PDZD2: variants seen among roughly 807,000 people sequenced by gnomAD.
PDZD2 encodes the protein PDZ domain-containing protein 2.
A neutral mutation model predicts 220.7 loss-of-function variants in PDZD2; 90 were observed. The observed-to-expected ratio is 0.41, with a 90% confidence interval of 0.34 to 0.49. PDZD2 has a LOEUF of 0.49. Among genes scored for constraint, PDZD2 ranks in the 20% least tolerant of loss-of-function variants. PDZD2 has a pLI of 0.28. For missense variants in PDZD2, 3,174 were observed against 3,608.5 expected (o/e 0.88, Z 3.08); for synonymous variants, 1,375 against 1,450.5 (o/e 0.95, Z 1.18).
chr5:31,908,888 T>C (rs1742930404), intron 2 of PDZD2: 1 of 406,188 alleles, frequency 2.5e-6, no homozygotes, highest in Non-Finnish European at 4.6e-6. Flanking sequence ...CTACCAAAAA[T>C]ACAGAAAATT....
At chr5:31,750,603 G>A (rs938640927) in intron 1 of PDZD2, among the ~76,000 whole-genome samples, 1 of 152,154 alleles carries the variant, frequency 6.6e-6, no homozygotes, top group Non-Finnish European at 1.5e-5. Context: ...GCTCCAGGGA[G>A]GATATTTGGG....
chr5:31,938,126 G>T lies in PDZD2; in HGVS notation c.477-45029G>T, dbSNP rs1477440429. Among the ~76,000 whole-genome samples, 2 of 152,170 alleles carry T rather than the reference G, an allele frequency of 1.3e-5. 1 individual carries two copies. The highest frequency in any genetic ancestry group is 2.9e-5 in the Non-Finnish European group (2 of 68,032). ...AGAGTTTCACTCTGTTGGCCAGATTGGTGTCAAACTTTTGACCTCAAGTGA... is the reference window on the plus strand; with the variant it reads ...AGAGTTTCACTCTGTTGGCCAGATTTGTGTCAAACTTTTGACCTCAAGTGA... On this transcript the variant is annotated intron_variant, in intron 2 of 24. Transcript: ENST00000438447.
rs1745236084 is a variant in PDZD2 at position 32,110,108 on chromosome 5, C to CAAAG, written c.*1975_*1978dup. The CAAAG allele has an allele frequency of 2.0e-5, 3 of 152,588 alleles. No homozygotes were observed. The highest frequency in any genetic ancestry group is 4.4e-5 in the Non-Finnish European group (3 of 68,038). 9.5% of individuals were successfully genotyped at this position (152,588 alleles called of 1,614,324 possible). The stretch of plus-strand genomic sequence containing the variant: ...GTGGTTTCTGCTTTCTTGCCTAAAT[C>CAAAG]AAAGACTATTTCAAGTCAACAACAC... On this transcript the variant is annotated 3_prime_UTR_variant, in exon 25 of 25. Transcript: ENST00000438447.
chr5:31,794,440 G>A (rs1310821161), intron 1 of PDZD2, among the ~76,000 whole-genome samples: 2 of 123,808 alleles, frequency 1.6e-5, no homozygotes, highest in East Asian at 4.6e-4. Context: ...TTGCTCTGTC[G>A]CCCAGGCTGG....
At chr5:31,698,865 G>A (rs1747491545) in intron 1 of PDZD2, among the ~76,000 whole-genome samples, 1 of 152,192 alleles carries the variant, frequency 6.6e-6, no homozygotes, top group African/African-American at 2.4e-5. Flanking sequence ...GAGCCACCTG[G>A]TTTGTGACCC....
rs139661995 is a variant in PDZD2, at chr5:31,639,900, G to A, written c.-361+463G>A. ...GGGCTTGTTTCATCTCTCAACCCCC[G>A]CCTCTTTGCCCAGATGAGACGTTAG... On this transcript the variant is annotated intron_variant, in intron 1 of 24. Transcript: ENST00000438447. The surrounding 1 kb of genome is among the most constrained non-coding windows in gnomAD (Gnocchi z 4.1). Among the ~76,000 whole-genome samples, 4 of 152,080 alleles carry A rather than the reference G, an allele frequency of 2.6e-5. No individual in the cohort carries two copies. The East Asian group carries it at 5.8e-4, about 22-fold the overall frequency.
rs1290568734 is a variant in PDZD2 at position 32,108,454 on chromosome 5, T to A, written c.*319T>A. ...TCTTTATTTGAAACAAACAAACATT[T>A]AGCTAGACCTTTGCTTCCTTCTTGC... On this transcript the variant is annotated 3_prime_UTR_variant, in exon 25 of 25. Coordinates refer to ENST00000438447, the MANE Select transcript of PDZD2 (RefSeq NM_178140.4). 5.7e-6 allele frequency: 1 copy of A among 175,270 alleles called. No individual in the cohort carries two copies. Among genetic ancestry groups the A allele is most frequent in the Admixed American group, 6.2e-5 (1 of 16,056 alleles). 10.9% of individuals were successfully genotyped at this position (175,270 alleles called of 1,614,324 possible).
intron 2 of PDZD2, among the ~76,000 whole-genome samples, chr5:31,842,695 A>G (rs62360837): frequency 0.085 from 12,983 of 152,260 alleles, 699 homozygotes; most frequent in Middle Eastern, 0.16. Context: ...AGTGATAGCC[A>G]GATAAAAGTG....
intron 18 of PDZD2, 113 bp downstream of exon 18, chr5:32,074,756 G>A (rs965583276): frequency 1.5e-6 from 1 of 683,730 alleles, no homozygotes; most frequent in Non-Finnish European, 2.5e-6. Flanking sequence ...ATGATGGCTG[G>A]AGAATTATCT....
At chr5:31,705,860 G>A (rs1427740294) in intron 1 of PDZD2, among the ~76,000 whole-genome samples, 2 of 152,200 alleles carry the variant, frequency 1.3e-5, no homozygotes, top group African/African-American at 2.4e-5. Flanking sequence ...GACCAGCCTG[G>A]CCAACATGGC....
intron 2 of PDZD2, among the ~76,000 whole-genome samples, chr5:31,859,190 A>G (rs1580915438): frequency 6.6e-6 from 1 of 152,150 alleles, no homozygotes; most frequent in African/African-American, 2.4e-5. Context: ...CTATCCTTAA[A>G]AAAACATAGC....
intron 5 of PDZD2, among the ~76,000 whole-genome samples, chr5:32,002,891 A>AC (rs1752339392): frequency 2.2e-5 from 1 of 45,430 alleles, no homozygotes; most frequent in Non-Finnish European, 4.1e-5. Flanking sequence ...CACCACACAC[A>AC]CCAACACACA....
intron 2 of PDZD2, among the ~76,000 whole-genome samples, chr5:31,916,754 C>A (rs1743721807): frequency 6.6e-6 from 1 of 152,166 alleles, no homozygotes; most frequent in African/African-American, 2.4e-5. Context: ...TGTTCCTGGG[C>A]AAGGGCATTT....
At chr5:31,967,907 G>A (rs532088732) in intron 2 of PDZD2, among the ~76,000 whole-genome samples, 1 of 152,332 alleles carries the variant, frequency 6.6e-6, no homozygotes, top group South Asian at 2.1e-4. Context: ...AGAAAGTAGA[G>A]AGATTTGGAC....
At chr5:31,753,646 T>C (rs888203115) in intron 1 of PDZD2, among the ~76,000 whole-genome samples, 8 of 152,152 alleles carry the variant, frequency 5.3e-5, no homozygotes, top group African/African-American at 1.9e-4. Flanking sequence ...CAGCGAAGTT[T>C]GGCTCCAGAT....
rs181802354 is a variant in PDZD2 at position 32,087,980 on chromosome 5, A to T, written c.4532A>T (p.Lys1511Ile). The T allele has an allele frequency of 9.3e-6, 15 of 1,614,210 alleles. No homozygotes were observed. In the African/African-American group the frequency reaches 1.3e-4, roughly 14 times the overall value. ...PSVLDSINPD[K>I]HFTVNKNFLS... ...GTTTTAGATTCAATTAATCCCGACAAACATTTTACTGTGAACAAAAACTTT... is the reference window on the plus strand; with the variant it reads ...GTTTTAGATTCAATTAATCCCGACATACATTTTACTGTGAACAAAAACTTT... Residue 1511 changes from lysine to isoleucine, a missense_variant, in exon 20 of 25, where the codon AAA becomes ATA. Coordinates refer to ENST00000438447, the MANE Select transcript of PDZD2 (RefSeq NM_178140.4). The surrounding 1 kb of genome is among the most constrained non-coding windows in gnomAD (Gnocchi z 4.0).
At chr5:31,764,206 C>A (rs187366101) in intron 1 of PDZD2, among the ~76,000 whole-genome samples, 2 of 152,220 alleles carry the variant, frequency 1.3e-5, no homozygotes, top group Non-Finnish European at 2.9e-5. Flanking sequence ...ATGATTCTGA[C>A]CCCTCAAAGT....
Position 31,745,337 on chromosome 5 carries a change from G to A in PDZD2, c.-360-53552G>A, listed in dbSNP as rs114481972. Among the ~76,000 whole-genome samples the A allele has an allele frequency of 8.6e-3, 1,313 of 152,290 alleles. 17 individuals carry two copies. The highest frequency in any genetic ancestry group is 0.03 in the African/African-American group (1,229 of 41,554). ...TCTTCGTATGTGTGGGTACGTGTGTGTAGAGAGTTTTAGTTCCGTTTATTT... is the reference window on the plus strand; with the variant it reads ...TCTTCGTATGTGTGGGTACGTGTGTATAGAGAGTTTTAGTTCCGTTTATTT... On this transcript the variant is annotated intron_variant, in intron 1 of 24. Transcript: ENST00000438447.
At chr5:31,882,016 G>A (rs1253688484) in intron 2 of PDZD2, among the ~76,000 whole-genome samples, 8 of 152,146 alleles carry the variant, frequency 5.3e-5, no homozygotes, top group African/African-American at 1.9e-4. Context: ...ACTGTGCCCA[G>A]CCCCATTTCC....
Sources: gnomAD v4.1 joint callset for allele counts (sites outside exome capture counted in the v4.1 genomes callset) on GRCh38, gnomAD v4.1.1 for gene constraint, Gnocchi (gnomAD v3.1) non-coding constraint, MANE v1.5 for transcripts, NCBI Gene and HGNC (gene_info 2026-07-23, HGNC 2026-07-21) for gene names.